CORO2B: variants seen among roughly 807,000 people sequenced by gnomAD.
CORO2B encodes the protein coronin 2B, also known as coronin-2B.
CORO2B carries 26 observed loss-of-function variants against 58.8 expected under a neutral mutation model. The ratio of observed to expected loss-of-function variants is 0.44; its 90% confidence interval spans 0.32 to 0.61. The LOEUF is 0.61. CORO2B is among the 20% of genes least tolerant of loss of function. CORO2B has a pLI of 0.04. For missense variants in CORO2B, 460 were observed against 645.1 expected (o/e 0.71, Z 3.11); for synonymous variants, 242 against 253.8 (o/e 0.95, Z 0.44).
rs565759123 is a variant in CORO2B at position 68,715,360 on chromosome 15, G to A, written c.967+49G>A. 5 of 1,358,444 alleles carry A rather than the reference G, an allele frequency of 3.7e-6. No individual in the cohort carries two copies. The African/African-American group carries it at 7.1e-5, about 19-fold the overall frequency. The allele number at this position is 1,358,444 out of a possible 1,614,324, so 84.1% of individuals were successfully genotyped here. On this transcript the variant is annotated intron_variant, in intron 8 of 11. Coordinates refer to ENST00000261861, the MANE Select transcript of CORO2B (RefSeq NM_006091.5). The stretch of plus-strand genomic sequence containing the variant: ...AGCTGGTGTGCTCATGGCACGGGAG[G>A]ACATCTGGCCCATGGGTCACCCCCT...
At chr15:68,688,131 G>T (rs561360025) in intron 2 of CORO2B, among the ~76,000 whole-genome samples, 1 of 152,312 alleles carries the variant, frequency 6.6e-6, no homozygotes, top group South Asian at 2.1e-4. Context: ...ATTTCTTCAA[G>T]AACTGTTTGC....
intron 3 of CORO2B, among the ~76,000 whole-genome samples, chr15:68,696,245 G>A (rs904545628): frequency 1.4e-5 from 2 of 145,324 alleles, no homozygotes; most frequent in East Asian, 2.0e-4. Flanking sequence ...ATGAGCCACT[G>A]TCTCAAAAAA....
chr15:68,680,006 G>C (rs999790971), intron 2 of CORO2B, among the ~76,000 whole-genome samples: 1 of 152,118 alleles, frequency 6.6e-6, no homozygotes, highest in African/African-American at 2.4e-5. Flanking sequence ...TGATGGCCCA[G>C]GGCTGAGTCT....
At chr15:68,702,970 G>T (rs1264760255) in intron 3 of CORO2B, among the ~76,000 whole-genome samples, 1 of 150,994 alleles carries the variant, frequency 6.6e-6, no homozygotes, top group African/African-American at 2.4e-5. Context: ...GGGACTACAG[G>T]CCCATGCCAC....
At chr15:68,628,657 A>G (rs948754427) in intron 1 of CORO2B, among the ~76,000 whole-genome samples, 2 of 152,212 alleles carry the variant, frequency 1.3e-5, no homozygotes, top group Admixed American at 1.3e-4. Flanking sequence ...CATCAGCTCC[A>G]TGAGGAGGCA....
At chr15:68,549,368 T>C in the CORO2B span, among the ~76,000 whole-genome samples, 3 of 22,520 alleles carry the variant, frequency 1.3e-4, no homozygotes, top group African/African-American at 2.1e-4. Context: ...TCTGGGATTG[T>C]TTGGGGTTTT....
chr15:68,683,667 C>T (rs1021390327), intron 2 of CORO2B, among the ~76,000 whole-genome samples: 2 of 152,126 alleles, frequency 1.3e-5, no homozygotes, highest in South Asian at 2.1e-4. Flanking sequence ...TTTAAGGCCT[C>T]GAATGCTGGG....
At chr15:68,695,680 T>G (rs1399605623) in intron 3 of CORO2B, among the ~76,000 whole-genome samples, 4 of 152,226 alleles carry the variant, frequency 2.6e-5, no homozygotes, top group African/African-American at 9.6e-5. Context: ...ACCATCTGGT[T>G]TGTCCTCTCT....
chr15:68,579,936 C>A lies in CORO2B; in HGVS notation c.15+659C>A, dbSNP rs891730414. Among the ~76,000 whole-genome samples, 2 of 152,182 alleles carry A rather than the reference C, an allele frequency of 1.3e-5. 1 individual carries two copies. Among genetic ancestry groups the A allele is most frequent in the African/African-American group, 4.8e-5 (2 of 41,438 alleles). Reference sequence around the variant, plus strand: ...TGATTGTTGGGCCTTGTCATAGGGGCCCACGTTTATTGGAGAGACTTCAGG... The same window carrying A: ...TGATTGTTGGGCCTTGTCATAGGGGACCACGTTTATTGGAGAGACTTCAGG... On this transcript the variant is annotated intron_variant, in intron 1 of 11. Transcript: ENST00000261861.
At chr15:68,612,547 T>C (rs1395928918) in intron 1 of CORO2B, among the ~76,000 whole-genome samples, 2 of 152,116 alleles carry the variant, frequency 1.3e-5, no homozygotes, top group Admixed American at 1.3e-4. Context: ...AGGAGGTTGT[T>C]TGGTAAGATT....
intron 2 of CORO2B, among the ~76,000 whole-genome samples, chr15:68,655,033 TG>T (rs1315493835): frequency 5.9e-5 from 9 of 152,074 alleles, no homozygotes; most frequent in African/African-American, 2.2e-4. Flanking sequence ...GCTGGGTGCC[TG>T]GAGATGGGGG....
At chr15:68,532,863 A>G in the CORO2B span, among the ~76,000 whole-genome samples, 907 of 152,294 alleles carry the variant, frequency 6.0e-3, 7 homozygotes, top group African/African-American at 0.021. Flanking sequence ...ATCAATAAGA[A>G]CTTTCCACTC....
chr15:68,725,795 C>A, intron 11 of CORO2B, 48 bp from the exon 12 acceptor site: 1 of 1,606,536 alleles, frequency 6.2e-7, no homozygotes. Context: ...CTTGTCTCAC[C>A]TGCTCTCTCC....
Position 68,710,949 on chromosome 15 carries a change from T to C in CORO2B, c.483+68T>C. ...GAGAAAGGGGCCTTTTGGGTACCCG[T>C]AGGAAGCACTGTTGCTTCCTAAGCA... is the stretch of plus-strand genomic sequence containing the variant. On this transcript the variant is annotated intron_variant, in intron 4 of 11. Transcript: ENST00000261861. The surrounding 1 kb of genome is among the most constrained non-coding windows in gnomAD (Gnocchi z 4.1). The C allele has an allele frequency of 1.4e-6, 2 of 1,479,826 alleles. No individual in the cohort carries two copies. The highest frequency in any genetic ancestry group is 1.8e-6 in the Non-Finnish European group (2 of 1,105,420). 91.7% of individuals were successfully genotyped at this position (1,479,826 alleles called of 1,614,324 possible). A position where few individuals can be genotyped will look rare whatever the true frequency, so the allele number is the denominator to read the frequency against.
intron 11 of CORO2B, among the ~76,000 whole-genome samples, chr15:68,723,380 C>G (rs1349354103): frequency 1.3e-5 from 2 of 151,600 alleles, no homozygotes; most frequent in African/African-American, 4.8e-5. Context: ...CCTCAGCCTC[C>G]CAAAGTGTTG....
At chr15:68,549,705 G>A in the CORO2B span, among the ~76,000 whole-genome samples, 3 of 152,172 alleles carry the variant, frequency 2.0e-5, no homozygotes, top group African/African-American at 4.8e-5. Context: ...TTGGGAGGCC[G>A]AGGTGGGCAG....
the CORO2B span, among the ~76,000 whole-genome samples, chr15:68,535,658 A>C: frequency 1.3e-5 from 2 of 152,182 alleles, no homozygotes; most frequent in African/African-American, 4.8e-5. Flanking sequence ...GCATTGAAAA[A>C]GGTAATATTT....
At chr15:68,722,557 T>C (rs1054779965) in intron 11 of CORO2B, among the ~76,000 whole-genome samples, 1 of 152,204 alleles carries the variant, frequency 6.6e-6, no homozygotes, top group African/African-American at 2.4e-5. Flanking sequence ...TTTTATGGTG[T>C]GTGAATTACA....
At chr15:68,581,106 T>A (rs79654001) in intron 1 of CORO2B, among the ~76,000 whole-genome samples, 204 of 152,264 alleles carry the variant, frequency 1.3e-3, no homozygotes, top group African/African-American at 4.6e-3. Flanking sequence ...ACCTGAACCT[T>A]GAAGCAGGGA....
Sources: allele counts gnomAD v4.1 joint callset (sites outside exome capture counted in the v4.1 genomes callset), GRCh38; gene constraint gnomAD v4.1.1; non-coding constraint Gnocchi (gnomAD v3.1); transcripts MANE v1.5; gene names NCBI Gene and HGNC (gene_info 2026-07-23, HGNC 2026-07-21).